The following UNC13C variants were observed in gnomAD, a reference collection of about 807,000 sequenced individuals.
The protein encoded by UNC13C is unc-13 homolog C, also known as protein unc-13 homolog C.
UNC13C carries 174 observed loss-of-function variants against 245.4 expected under a neutral mutation model. That is an observed-to-expected ratio of 0.71 (90% CI 0.63 to 0.80). The LOEUF is 0.80. UNC13C is among the 30% of genes least tolerant of loss of function. UNC13C has a pLI of 0.00. For missense variants in UNC13C, 2,829 were observed against 2,602.9 expected (o/e 1.09, Z -1.89); for synonymous variants, 992 against 895.1 (o/e 1.11, Z -1.93).
intron 27 of UNC13C, among the ~76,000 whole-genome samples, chr15:54,548,096 T>C (rs1052860879): frequency 6.6e-6 from 1 of 152,140 alleles, no homozygotes; most frequent in Admixed American, 6.5e-5. Context: ...CTTGCATGAC[T>C]GTCACAGATT....
rs190601927 is a variant in UNC13C at position 54,034,893 on chromosome 15, A to G, written c.2983+19007A>G. Among the ~76,000 whole-genome samples the G allele has an allele frequency of 2.6e-5, 4 of 152,328 alleles. No homozygotes were observed. The East Asian group carries it at 5.8e-4, about 22-fold the overall frequency. On this transcript the variant is annotated intron_variant, in intron 2 of 32. Coordinates refer to ENST00000260323, the MANE Select transcript of UNC13C (RefSeq NM_001080534.3). ...TACTCTGAAGTAAGAGAACCGACGT[A>G]GAAATAACCCAGTTTATCTAATCCT...
At chr15:53,999,678 A>G (rs1452194908) in intron 1 of UNC13C, among the ~76,000 whole-genome samples, 3 of 151,884 alleles carry the variant, frequency 2.0e-5, no homozygotes, top group Non-Finnish European at 4.4e-5. Context: ...GATTATTTAA[A>G]CCTATAAATT....
intron 18 of UNC13C, among the ~76,000 whole-genome samples, chr15:54,401,906 A>G (rs1420835166): frequency 3.9e-5 from 6 of 152,084 alleles, no homozygotes; most frequent in Admixed American, 3.9e-4. Context: ...TTGTTTCTCC[A>G]TTACCCAAAG....
At chr15:54,192,732 T>C (rs1013520702) in intron 4 of UNC13C, among the ~76,000 whole-genome samples, 1 of 152,186 alleles carries the variant, frequency 6.6e-6, no homozygotes, top group Non-Finnish European at 1.5e-5. Flanking sequence ...ACTTGAGATC[T>C]GTAGCTGTAG....
At chr15:54,258,103 T>C (rs972299688) in intron 8 of UNC13C, among the ~76,000 whole-genome samples, 1 of 152,194 alleles carries the variant, frequency 6.6e-6, no homozygotes, top group Non-Finnish European at 1.5e-5. Context: ...TCAATGGATG[T>C]TAACCACCCA....
At position 54,624,063 on chromosome 15, in the gene UNC13C, G is replaced by C. The variant is rs1022480482; in HGVS notation, c.6359+109G>C. 45 of 1,357,500 alleles carry C rather than the reference G, an allele frequency of 3.3e-5. No homozygotes were observed. In the African/African-American group the frequency reaches 6.0e-4, roughly 18 times the overall value. 84.1% of individuals were successfully genotyped at this position (1,357,500 alleles called of 1,614,324 possible). On this transcript the variant is annotated intron_variant, in intron 32 of 32. Transcript: ENST00000260323. ...GGCTAAGGAAAATGAAGAAGGCTCTGTTTTTAGTTCCCTTCCATTCATTCA... is the reference window on the plus strand; with the variant it reads ...GGCTAAGGAAAATGAAGAAGGCTCTCTTTTTAGTTCCCTTCCATTCATTCA...
Position 54,265,457 on chromosome 15 carries a change from T to C in UNC13C, c.3779T>C (p.Phe1260Ser). Reference protein sequence around the residue: ...GKNKRRTKTIFGNLNPVWDEK... With the variant: ...GKNKRRTKTISGNLNPVWDEK... ...AACAAAAGAAGAACAAAAACCATTT[T>C]TGGAAATTTGAATCCAGTATGGGAT... The change falls in exon 10 of 33, where the codon TTT becomes TCT. Residue 1260 changes from phenylalanine to serine, a missense_variant. Physicochemically the swap from Phe to Ser is radical, Grantham distance 155. Coordinates refer to ENST00000260323, the MANE Select transcript of UNC13C (RefSeq NM_001080534.3). 2 of 1,564,206 alleles carry C rather than the reference T, an allele frequency of 1.3e-6. No homozygotes were observed. Among genetic ancestry groups the C allele is most frequent in the South Asian group, 1.2e-5 (1 of 84,628 alleles).
rs1449194528 is a variant in UNC13C at position 54,014,851 on chromosome 15, T to A, written c.1948T>A (p.Leu650Ile). The A allele has an allele frequency of 2.5e-6, 4 of 1,613,772 alleles. No homozygotes were observed. Among genetic ancestry groups the A allele is most frequent in the Non-Finnish European group, 3.4e-6 (4 of 1,179,836 alleles). ...RSHYSDSQLS[L>I]HEDLSPWKEW... ...TCATTACAGTGATTCTCAGCTCTCT[T>A]TACATGAGGATCTTTCTCCATGGAA... The change falls in exon 2 of 33, where the codon TTA becomes ATA. Residue 650 changes from leucine to isoleucine, a missense_variant. Coordinates refer to ENST00000260323, the MANE Select transcript of UNC13C (RefSeq NM_001080534.3).
chr15:54,611,519 T>C (rs1292441972), intron 30 of UNC13C: 2 of 152,158 alleles, frequency 1.3e-5, no homozygotes, highest in African/African-American at 2.4e-5. Flanking sequence ...GGTCCATCCA[T>C]AGGTTGGCTG....
intron 19 of UNC13C, among the ~76,000 whole-genome samples, chr15:54,460,695 G>T (rs191098908): frequency 6.6e-6 from 1 of 152,226 alleles, no homozygotes; most frequent in African/African-American, 2.4e-5. Flanking sequence ...TTGTCTTGCA[G>T]CATTTGCAGT....
At chr15:53,846,688 TA>T in the UNC13C span, among the ~76,000 whole-genome samples, 2 of 152,302 alleles carry the variant, frequency 1.3e-5, no homozygotes, top group African/African-American at 2.4e-5. Flanking sequence ...GACAAATTTT[TA>T]AAAAAATTGT....
chr15:54,530,781 A>G (rs62022416), intron 25 of UNC13C, among the ~76,000 whole-genome samples: 15,660 of 152,124 alleles, frequency 0.1, 1,084 homozygotes, highest in African/African-American at 0.19. Context: ...CAGGAGGTCT[A>G]TTGTGGCTGG....
At chr15:54,156,997 A>C (rs2032777931) in intron 4 of UNC13C, among the ~76,000 whole-genome samples, 1 of 152,050 alleles carries the variant, frequency 6.6e-6, no homozygotes, top group African/African-American at 2.4e-5. Context: ...TGGTTGTATA[A>C]GTAACTTTTA....
chr15:53,955,948 G>A, the UNC13C span: 1 of 152,220 alleles, frequency 6.6e-6, no homozygotes, highest in African/African-American at 2.4e-5. Context: ...CAGTAGTGGA[G>A]TGGATGAAGA....
intron 17 of UNC13C, among the ~76,000 whole-genome samples, chr15:54,342,533 C>T (rs896016936): frequency 5.3e-5 from 8 of 151,420 alleles, no homozygotes; most frequent in African/African-American, 1.7e-4. Context: ...TGCATTCCAG[C>T]CTTGGTGACA....
In UNC13C at chr15:54,552,510, T is replaced by TA. The variant is rs1348741264; in HGVS notation, c.5877+2820dup. 7.2e-3 allele frequency among the ~76,000 whole-genome samples: 206 copies of TA among 28,432 alleles called. 5 individuals carry two copies. Among genetic ancestry groups the TA allele is most frequent in the Admixed American group, 0.015 (24 of 1,580 alleles). 18.7% of individuals were successfully genotyped at this position (28,432 alleles called of 152,430 possible). A position where few individuals can be genotyped will look rare whatever the true frequency, so the allele number is the denominator to read the frequency against. ...ATATATTATATTATATATAATTATA[T>TA]ATTATATATTATATATAATAATATA... is the stretch of plus-strand genomic sequence containing the variant. On this transcript the variant is annotated intron_variant, in intron 28 of 32. Coordinates refer to ENST00000260323, the MANE Select transcript of UNC13C (RefSeq NM_001080534.3).
chr15:54,223,605 T>G (rs1016697725), intron 4 of UNC13C, among the ~76,000 whole-genome samples: 3 of 152,020 alleles, frequency 2.0e-5, no homozygotes, highest in African/African-American at 7.2e-5. Flanking sequence ...AGGATAGCTT[T>G]GCTTATCCTG....
At chr15:54,466,391 T>C (rs574027315) in intron 19 of UNC13C, among the ~76,000 whole-genome samples, 1 of 152,132 alleles carries the variant, frequency 6.6e-6, no homozygotes, top group Admixed American at 6.5e-5. Flanking sequence ...TTACCCTGAT[T>C]TGATCATTTC....
the UNC13C span, among the ~76,000 whole-genome samples, chr15:53,897,758 A>G: frequency 6.6e-6 from 1 of 152,178 alleles, no homozygotes; most frequent in Admixed American, 6.5e-5. Context: ...CTTTCTTGGA[A>G]AATCAGAAAG....
Sources: gnomAD v4.1 joint callset for allele counts (sites outside exome capture counted in the v4.1 genomes callset) on GRCh38, gnomAD v4.1.1 for gene constraint, MANE v1.5 for transcripts, NCBI Gene and HGNC (gene_info 2026-07-23, HGNC 2026-07-21) for gene names.